ADGRL3: variants seen among roughly 807,000 people sequenced by gnomAD.
The protein encoded by ADGRL3 is adhesion G protein-coupled receptor L3.
ADGRL3 carries 62 observed loss-of-function variants against 153.5 expected under a neutral mutation model. That is an observed-to-expected ratio of 0.40 (90% CI 0.33 to 0.50). The LOEUF is 0.50. Among genes scored for constraint, ADGRL3 ranks in the 20% least tolerant of loss-of-function variants. The pLI, the probability that ADGRL3 is intolerant of heterozygous loss-of-function variation, is 0.47. For missense variants in ADGRL3, 1,641 were observed against 1,859.4 expected (o/e 0.88, Z 2.16); for synonymous variants, 710 against 672.5 (o/e 1.06, Z -0.86).
At chr4:61,733,674 G>A in intron 8 of ADGRL3, 120 bp downstream of exon 8, 1 of 749,268 alleles carries the variant, frequency 1.3e-6, no homozygotes, top group Non-Finnish European at 2.1e-6. Flanking sequence ...CCTGAAAATT[G>A]TTCTTTGTCT....
chr4:61,558,496 CT>C (rs1345635128), intron 4 of ADGRL3, among the ~76,000 whole-genome samples: 3 of 151,880 alleles, frequency 2.0e-5, no homozygotes, highest in Non-Finnish European at 2.9e-5. Context: ...AAATAGATCT[CT>C]TTCTCTTTTT....
chr4:61,735,771 AT>A (rs2096500478), intron 8 of ADGRL3, among the ~76,000 whole-genome samples: 1 of 152,138 alleles, frequency 6.6e-6, no homozygotes, highest in African/African-American at 2.4e-5. Flanking sequence ...AGCATACCTT[AT>A]TTTTATTTAG....
intron 2 of ADGRL3, among the ~76,000 whole-genome samples, chr4:61,484,153 T>C (rs1056100968): frequency 1.3e-5 from 2 of 152,048 alleles, no homozygotes; most frequent in Admixed American, 6.6e-5. Flanking sequence ...TGGAACATGA[T>C]ACGTTGCTTT....
intron 21 of ADGRL3, among the ~76,000 whole-genome samples, chr4:62,025,861 A>C (rs1718247307): frequency 6.6e-6 from 1 of 152,190 alleles, no homozygotes; most frequent in African/African-American, 2.4e-5. Flanking sequence ...TAAATGGATT[A>C]TCATTAGTAA....
intron 1 of ADGRL3, among the ~76,000 whole-genome samples, chr4:61,321,844 T>C (rs1440653161): frequency 1.3e-5 from 2 of 152,146 alleles, no homozygotes; most frequent in Admixed American, 6.6e-5. Context: ...CAGATTTCAA[T>C]TGTGGTTGTT....
intron 5 of ADGRL3, among the ~76,000 whole-genome samples, chr4:61,606,232 C>T (rs1414744096): frequency 6.6e-6 from 1 of 152,078 alleles, no homozygotes; most frequent in African/African-American, 2.4e-5. Flanking sequence ...GTTTGGTGAA[C>T]ATTTGAAGTT....
rs992031371 is a variant in ADGRL3, at chr4:61,201,209, A to G, written c.-796A>G. ...TGGGGTGGGAGAACTGGATATAAAG[A>G]TCGGCTGGGGGGATGGTGGAAGATT... On this transcript the variant is annotated 5_prime_UTR_variant, in exon 1 of 27. Coordinates refer to ENST00000683033, the MANE Select transcript of ADGRL3 (RefSeq NM_001387552.1). The G allele has an allele frequency of 1.3e-5, 2 of 149,222 alleles. No homozygotes were observed. Among genetic ancestry groups the G allele is most frequent in the Admixed American group, 6.7e-5 (1 of 14,930 alleles). The allele number at this position is 149,222 out of a possible 1,614,324, so 9.2% of individuals were successfully genotyped here.
At chr4:61,659,535 A>G (rs1156548040) in intron 5 of ADGRL3, among the ~76,000 whole-genome samples, 1 of 152,206 alleles carries the variant, frequency 6.6e-6, no homozygotes, top group African/African-American at 2.4e-5. Flanking sequence ...AACAGGTCTT[A>G]TGATACAAAA....
At chr4:61,891,554 AC>A (rs2098586061) in intron 9 of ADGRL3, among the ~76,000 whole-genome samples, 1 of 152,176 alleles carries the variant, frequency 6.6e-6, no homozygotes, top group South Asian at 2.1e-4. Context: ...CTTTATATAC[AC>A]CAAATACATT....
At chr4:61,658,437 A>C (rs2094500834) in intron 5 of ADGRL3, among the ~76,000 whole-genome samples, 1 of 152,138 alleles carries the variant, frequency 6.6e-6, no homozygotes, top group Admixed American at 6.5e-5. Context: ...TACATAAATA[A>C]CATAATTTCT....
In ADGRL3 at chr4:61,753,244, A is replaced by AC. The variant is rs1554020996; in HGVS notation, c.1399+19690_1399+19691insC. Among the ~76,000 whole-genome samples, 267 of 151,424 alleles carry AC rather than the reference A, an allele frequency of 1.8e-3. 2 individuals are homozygous for AC. The highest frequency in any genetic ancestry group is 6.0e-3 in the African/African-American group (246 of 40,958). On this transcript the variant is annotated intron_variant, in intron 8 of 26. Coordinates refer to ENST00000683033, the MANE Select transcript of ADGRL3 (RefSeq NM_001387552.1). ...CATTTCTGTGAAAAAAAAAAAAAAA[A>AC]ACAAAGATGAAAAAGATAACTGGTT...
At chr4:61,964,082 A>G (rs1017098097) in intron 17 of ADGRL3, among the ~76,000 whole-genome samples, 1 of 152,348 alleles carries the variant, frequency 6.6e-6, no homozygotes, top group East Asian at 1.9e-4. Context: ...TTTATAATTC[A>G]GGAAAGTAGG....
At position 61,909,647 on chromosome 4, in the gene ADGRL3, T is replaced by G. The variant is rs989267034; in HGVS notation, c.1975T>G (p.Ser659Ala). The G allele has an allele frequency of 2.5e-6, 4 of 1,612,330 alleles. No homozygotes were observed. The African/African-American group carries it at 5.3e-5, about 22-fold the overall frequency. Residue 659 changes from serine (S) to alanine (A), a missense_variant, in exon 12 of 27, where the codon TCT (serine) becomes GCT (alanine). By Grantham distance (99) the Ser-to-Ala change is moderately conservative. Transcript: ENST00000683033. ...NHLNAGDITY[S>A]VRAMDQLVGL... is the part of the protein sequence containing the mutation. ...CTTGAATGCTGGGGACATCACCTAC[T>G]CTGTCCGGGCCATGGACCAGCTGGT... is the stretch of plus-strand genomic sequence containing the variant.
chr4:61,349,309 T>C (rs2151288170), intron 1 of ADGRL3, among the ~76,000 whole-genome samples: 1 of 152,240 alleles, frequency 6.6e-6, no homozygotes. Flanking sequence ...ATTTAAAAAG[T>C]GTTCTCTGAA....
At chr4:61,532,770 T>A in intron 4 of ADGRL3, among the ~76,000 whole-genome samples, 1 of 149,488 alleles carries the variant, frequency 6.7e-6, no homozygotes. Context: ...AAAAAAGGTC[T>A]CAGCACACAT....
At chr4:61,738,724 A>G (rs190853800) in intron 8 of ADGRL3, among the ~76,000 whole-genome samples, 4 of 152,244 alleles carry the variant, frequency 2.6e-5, no homozygotes. Flanking sequence ...GAGCTACCCA[A>G]TTGTATGACA....
chr4:61,480,405 A>G (rs1244889973), intron 2 of ADGRL3, among the ~76,000 whole-genome samples: 1 of 152,210 alleles, frequency 6.6e-6, no homozygotes, highest in Non-Finnish European at 1.5e-5. Flanking sequence ...GTCTAAATAT[A>G]CCACATTTTC....
At chr4:61,680,244 A>T (rs1443903521) in intron 6 of ADGRL3, among the ~76,000 whole-genome samples, 1 of 152,018 alleles carries the variant, frequency 6.6e-6, no homozygotes, top group Non-Finnish European at 1.5e-5. Flanking sequence ...CTGAACGAAC[A>T]GTGTTAGGTT....
At chr4:61,278,347 A>C (rs926930095) in intron 1 of ADGRL3, among the ~76,000 whole-genome samples, 2 of 152,200 alleles carry the variant, frequency 1.3e-5, no homozygotes, top group African/African-American at 2.4e-5. Flanking sequence ...GAGCAAAAAT[A>C]ATTAATGAGC....
Sources: allele counts gnomAD v4.1 joint callset (sites outside exome capture counted in the v4.1 genomes callset), GRCh38; gene constraint gnomAD v4.1.1; transcripts MANE v1.5; gene names NCBI Gene and HGNC (gene_info 2026-07-23, HGNC 2026-07-21).